Variants in TMEM156 observed in about 807,000 individuals in gnomAD.
TMEM156 encodes the protein transmembrane protein 156.
TMEM156 carries 28 observed loss-of-function variants against 30.5 expected under a neutral mutation model. The observed-to-expected ratio is 0.92, with a 90% CI of 0.68 to 1.26. The LOEUF is 1.26. Ranked by LOEUF, TMEM156 falls within the 50% of genes most tolerant of loss-of-function variation. TMEM156 has a pLI of 0.00. For missense variants in TMEM156, 351 were observed against 340.6 expected (o/e 1.03, Z -0.24); for synonymous variants, 137 against 119.9 (o/e 1.14, Z -0.93).
intron 5 of TMEM156, among the ~76,000 whole-genome samples, chr4:38,979,807 T>C (rs1170945874): frequency 1.3e-5 from 2 of 152,212 alleles, no homozygotes; most frequent in East Asian, 1.9e-4. Flanking sequence ...GCTGTGAAAA[T>C]TTTCTGATGG....
intron 6 of TMEM156, 30 bp downstream of exon 6, chr4:38,971,002 A>G: frequency 1.5e-6 from 2 of 1,375,440 alleles, no homozygotes; most frequent in Non-Finnish European, 2.1e-6. Context: ...TTTATAATGA[A>G]GAAGTCGATA....
chr4:38,971,073 T>G lies in TMEM156; in HGVS notation c.888A>C (p.Leu296=). The G allele has an allele frequency of 6.2e-7, 1 of 1,613,926 alleles. No individual in the cohort carries two copies. The highest frequency in any genetic ancestry group is 1.3e-5 in the African/African-American group (1 of 75,038). ...ACTGATGCACTGTGGAAGTAACTTA[T>G]AGTTCTGGAATTGGGGGAAGCACTT... ...VQEVLPPIPE[L] is the part of the protein sequence containing the mutation. The change falls in exon 6 of 7, where the codon CTA becomes CTC. Residue 296 remains leucine, a synonymous_variant. Coordinates refer to ENST00000381938, the MANE Select transcript of TMEM156 (RefSeq NM_024943.3).
At chr4:39,026,029 T>C (rs1386818749) in intron 1 of TMEM156, among the ~76,000 whole-genome samples, 1 of 152,146 alleles carries the variant, frequency 6.6e-6, no homozygotes, top group Non-Finnish European at 1.5e-5. Flanking sequence ...TGACAGACAC[T>C]CTCTTAATTG....
chr4:38,998,408 G>C (rs954230662), intron 2 of TMEM156: 3 of 212,584 alleles, frequency 1.4e-5, no homozygotes, highest in Non-Finnish European at 2.7e-5. Context: ...GCCGGGTGTG[G>C]TGGCAGGCGC....
chr4:39,027,987 C>G (rs1715312802), intron 1 of TMEM156, among the ~76,000 whole-genome samples: 1 of 151,638 alleles, frequency 6.6e-6, no homozygotes. Context: ...AAACTCCTGA[C>G]CTCAATTGAC....
At position 38,971,146 on chromosome 4, in the gene TMEM156, G is replaced by A. The variant is rs1722579374; in HGVS notation, c.824-9C>T. The A allele has an allele frequency of 6.2e-7, 1 of 1,613,416 alleles. No homozygotes were observed. The highest frequency in any genetic ancestry group is 1.1e-5 in the South Asian group (1 of 91,068). Reference sequence around the variant, plus strand: ...CCTCTGCGTGGTCTCTGCTATTTAAGAAGGAGAACTGTTTTAGTCTATATG... The same window carrying A: ...CCTCTGCGTGGTCTCTGCTATTTAAAAAGGAGAACTGTTTTAGTCTATATG... On this transcript the variant is annotated splice_polypyrimidine_tract_variant and intron_variant, in intron 5 of 6. Coordinates refer to ENST00000381938, the MANE Select transcript of TMEM156 (RefSeq NM_024943.3).
chr4:38,998,685 A>G lies in TMEM156; in HGVS notation c.313T>C (p.Ser105Pro), dbSNP rs11542133. The G allele has an allele frequency of 0.27, 437,493 of 1,611,976 alleles. 61,832 individuals are homozygous for G. The highest frequency in any genetic ancestry group is 0.47 in the East Asian group (21,135 of 44,748). The change falls in exon 2 of 7, where the codon TCT becomes CCT. Residue 105 changes from serine (S) to proline (P), a missense_variant. By Grantham distance (74) the Ser-to-Pro change is moderately conservative. Transcript: ENST00000381938. ...GAAATAAAATCCATGTTTCCTTTAG[A>G]CTCACAAACCAAACACGAGGAGCAC... ...KMCSSCLVCE[S>P]KGNMDFISQE... is the part of the protein sequence containing the mutation.
Position 38,988,872 on chromosome 4 carries a change from T to C in TMEM156, c.718A>G (p.Arg240Gly). The change falls in exon 4 of 7, where the codon AGA (arginine) becomes GGA (glycine). Residue 240 changes from arginine to glycine, a missense_variant. Physicochemically the swap from Arg to Gly is moderately radical, Grantham distance 125. Coordinates refer to ENST00000381938, the MANE Select transcript of TMEM156 (RefSeq NM_024943.3). ...TTACTCTGCCACTTTTGCACTCTTC[T>C]CTGGCCTTCAAGTATTTTGCGGATA... ...LTIRKILEGQRRVQKWQSHRD... is the reference protein window; with the variant it reads ...LTIRKILEGQGRVQKWQSHRD... 6.2e-7 allele frequency: 1 copy of C among 1,614,090 alleles called. No homozygotes were observed. The highest frequency in any genetic ancestry group is 8.5e-7 in the Non-Finnish European group (1 of 1,179,986).
At chr4:38,994,441 A>G (rs67284202) in intron 2 of TMEM156, among the ~76,000 whole-genome samples, 36,305 of 152,064 alleles carry the variant, frequency 0.24, 4,726 homozygotes, top group East Asian at 0.44. Flanking sequence ...ATAATCAGTA[A>G]GGTGGTTATA....
At chr4:39,021,312 G>A (rs560942240) in intron 1 of TMEM156, among the ~76,000 whole-genome samples, 2 of 151,784 alleles carry the variant, frequency 1.3e-5, no homozygotes, top group Admixed American at 1.3e-4. Context: ...GCTGAGGTGG[G>A]TGGACCGCTT....
chr4:39,026,817 C>T (rs1380773477), intron 1 of TMEM156, among the ~76,000 whole-genome samples: 1 of 151,988 alleles, frequency 6.6e-6, no homozygotes, highest in African/African-American at 2.4e-5. Flanking sequence ...GTCCCAGCTA[C>T]TCGGGAGGCT....
chr4:38,976,753 T>C (rs1722873741), intron 5 of TMEM156, among the ~76,000 whole-genome samples: 2 of 152,238 alleles, frequency 1.3e-5, no homozygotes, highest in African/African-American at 4.8e-5. Flanking sequence ...TAAGAATCTA[T>C]CTTCATAGAA....
rs572896479 is a variant in TMEM156, at chr4:39,023,616, G to A, written c.88+8610C>T. Among the ~76,000 whole-genome samples the A allele has an allele frequency of 9.2e-5, 14 of 152,268 alleles. No homozygotes were observed. The South Asian group carries it at 2.9e-3, about 32-fold the overall frequency. ...CCAGCACAGTGGGAGGCCAAGGTGG[G>A]CGAATCACTTGAGGTCAGGAGTTCA... On this transcript the variant is annotated intron_variant, in intron 1 of 6. Transcript: ENST00000381938.
chr4:39,031,494 C>G (rs1212094565), intron 1 of TMEM156, among the ~76,000 whole-genome samples: 1 of 152,114 alleles, frequency 6.6e-6, no homozygotes, highest in Non-Finnish European at 1.5e-5. Context: ...GGTAAGTTAT[C>G]TGTGTGAAAT....
intron 5 of TMEM156, among the ~76,000 whole-genome samples, chr4:38,981,510 CAA>C (rs745884657): frequency 2.6e-4 from 39 of 152,078 alleles, no homozygotes; most frequent in Non-Finnish European, 5.4e-4. Context: ...ACTGAAAATG[CAA>C]AAGAGCAGGA....
At chr4:39,028,093 G>T (rs999644942) in intron 1 of TMEM156, among the ~76,000 whole-genome samples, 3 of 152,004 alleles carry the variant, frequency 2.0e-5, no homozygotes, top group African/African-American at 7.2e-5. Flanking sequence ...TCACCATGTT[G>T]GTCAGGCTGG....
At position 39,009,885 on chromosome 4, in the gene TMEM156, A is replaced by T. The variant is rs557869129; in HGVS notation, c.89-10976T>A. ...CCATTCTTATTCAACAAAGTACTGG[A>T]AGTCCTAGCCAGGGCAATCAAGCAA... On this transcript the variant is annotated intron_variant, in intron 1 of 6. Coordinates refer to ENST00000381938, the MANE Select transcript of TMEM156 (RefSeq NM_024943.3). Among the ~76,000 whole-genome samples, 40 of 152,324 alleles carry T rather than the reference A, an allele frequency of 2.6e-4. 1 individual carries two copies. In the South Asian group the frequency reaches 8.3e-3, roughly 32 times the overall value.
chr4:38,990,835 T>TTTTTTTTGTTTTG (rs1387088647), intron 3 of TMEM156, among the ~76,000 whole-genome samples: 2 of 126,240 alleles, frequency 1.6e-5, no homozygotes, highest in Non-Finnish European at 3.4e-5. Flanking sequence ...TTCTGGTTTT[T>TTTTTTTTGTTTTG]TTTTTTTTTT....
At chr4:38,968,680 C>G (rs549691848) in intron 6 of TMEM156, among the ~76,000 whole-genome samples, 3 of 152,330 alleles carry the variant, frequency 2.0e-5, no homozygotes, top group Admixed American at 1.3e-4. Context: ...CTATATGCTA[C>G]TTAGGAATTT....
Sources: allele counts gnomAD v4.1 joint callset (sites outside exome capture counted in the v4.1 genomes callset), GRCh38; gene constraint gnomAD v4.1.1; transcripts MANE v1.5; gene names NCBI Gene and HGNC (gene_info 2026-07-23, HGNC 2026-07-21).